Variants in VWDE observed in about 807,000 individuals in gnomAD.
VWDE encodes the protein von Willebrand factor D and EGF domains, also known as von Willebrand factor D and EGF domain-containing protein.
VWDE carries 207 observed loss-of-function variants against 178.4 expected under a neutral mutation model. The ratio of observed to expected loss-of-function variants is 1.16; its 90% confidence interval spans 1.04 to 1.30. The LOEUF is 1.30. Among genes scored for constraint, VWDE ranks in the 50% most tolerant of loss-of-function variants. The pLI is 0.00. For missense variants in VWDE, 2,287 were observed against 1,901.3 expected, an observed-to-expected ratio of 1.20 and a Z score of -3.77; for synonymous variants, 738 against 651.4, an observed-to-expected ratio of 1.13 and a Z score of -2.02.
chr7:12,364,998 A>G (rs1782782811), intron 13 of VWDE, among the ~76,000 whole-genome samples: 1 of 152,106 alleles, frequency 6.6e-6, no homozygotes, highest in Admixed American at 6.6e-5. Flanking sequence ...TAAAAAAGGA[A>G]CATTCCACAA....
chr7:12,344,189 T>C lies in VWDE; in HGVS notation c.4078+6A>G, dbSNP rs1781476434. 1 of 1,549,962 alleles carries C rather than the reference T, an allele frequency of 6.5e-7. No individual in the cohort carries two copies. Among genetic ancestry groups the C allele is most frequent in the Admixed American group, 2.0e-5 (1 of 50,876 alleles). ...CTTATATTTGATTTTTAATTTGAATTATCACCTTCATCACAGGTTGCTCCA... is the reference window on the plus strand; with the variant it reads ...CTTATATTTGATTTTTAATTTGAATCATCACCTTCATCACAGGTTGCTCCA... On this transcript the variant is annotated splice_donor_region_variant and intron_variant, in intron 21 of 28. Transcript: ENST00000275358.
intron 2 of VWDE, among the ~76,000 whole-genome samples, 175 bp downstream of exon 2, chr7:12,393,419 T>C (rs1001316299): frequency 5.3e-5 from 8 of 152,208 alleles, no homozygotes; most frequent in African/African-American, 1.9e-4. Context: ...AGCATAACAC[T>C]AACAATTACT....
chr7:12,386,134 G>C (rs1487595486), intron 3 of VWDE, among the ~76,000 whole-genome samples: 1 of 151,992 alleles, frequency 6.6e-6, no homozygotes, highest in Non-Finnish European at 1.5e-5. Flanking sequence ...GTTTTTCCAT[G>C]AAACACAGAA....
intron 10 of VWDE, among the ~76,000 whole-genome samples, chr7:12,372,708 C>G (rs1031255743): frequency 6.6e-6 from 1 of 151,916 alleles, no homozygotes; most frequent in East Asian, 1.9e-4. Context: ...ATTTATTACA[C>G]GTTGTTAAAA....
Position 12,377,940 on chromosome 7 carries a change from A to G in VWDE, c.880-20T>C, listed in dbSNP as rs1037135801. On this transcript the variant is annotated intron_variant, in intron 6 of 28. Transcript: ENST00000275358. The stretch of plus-strand genomic sequence containing the variant: ...CTGTAGCTGGTATAAGAAAATACGT[A>G]GAAAAATTATGTTAAAATATAATTT... The G allele has an allele frequency of 7.4e-6, 10 of 1,355,662 alleles. No homozygotes were observed. The East Asian group carries it at 8.7e-5, about 12-fold the overall frequency. The allele number at this position is 1,355,662 out of a possible 1,614,324, so 84.0% of individuals were successfully genotyped here.
chr7:12,374,839 T>C, intron 8 of VWDE, 77 bp from the exon 9 acceptor site: 3 of 1,153,158 alleles, frequency 2.6e-6, no homozygotes, highest in Non-Finnish European at 3.7e-6. Flanking sequence ...CTTAGCAATC[T>C]CAACAAACTT....
chr7:12,333,884 A>G (rs73680915), intron 27 of VWDE, among the ~76,000 whole-genome samples: 2,595 of 152,238 alleles, frequency 0.017, 72 homozygotes, highest in African/African-American at 0.06. Context: ...AGAGGAGCTG[A>G]AGTCATTAAC....
chr7:12,378,211 AC>A (rs1343558082), intron 6 of VWDE, among the ~76,000 whole-genome samples: 1 of 152,184 alleles, frequency 6.6e-6, no homozygotes, highest in Non-Finnish European at 1.5e-5. Context: ...TGTGGTGAGC[AC>A]TGGAAAGCGA....
At position 12,347,418 on chromosome 7, in the gene VWDE, T is replaced by C. The variant is rs562181376; in HGVS notation, c.3887-2949A>G. On this transcript the variant is annotated intron_variant, in intron 19 of 28. Coordinates refer to ENST00000275358, the MANE Select transcript of VWDE (RefSeq NM_001135924.3). Reference sequence around the variant, plus strand: ...ATGATTCAATGTTCCTATGAAGGTATATATCAGAGATATCATAAAAATTAC... The same window carrying C: ...ATGATTCAATGTTCCTATGAAGGTACATATCAGAGATATCATAAAAATTAC... Among the ~76,000 whole-genome samples, 6 of 152,252 alleles carry C rather than the reference T, an allele frequency of 3.9e-5. No individual in the cohort carries two copies. In the South Asian group the frequency reaches 1.2e-3, roughly 32 times the overall value.
rs1367813243 is a variant in VWDE at position 12,375,059 on chromosome 7, A to G, written c.1193T>C (p.Ile398Thr). ...DRVSNIVVQP[I>T]VNEDFLWNNY... ...GTTCCACAGGAAATCCTCATTAACT[A>G]TTGGTTGCACTACAATGTTTGAGAC... Residue 398 changes from isoleucine (I) to threonine (T), a missense_variant, in exon 8 of 29, where the codon ATA becomes ACA. Ile to Thr is a moderately conservative substitution (Grantham distance 89, BLOSUM62 -1). Coordinates refer to ENST00000275358, the MANE Select transcript of VWDE (RefSeq NM_001135924.3). 6 of 1,551,182 alleles carry G rather than the reference A, an allele frequency of 3.9e-6. No individual in the cohort carries two copies. In the Admixed American group the frequency reaches 9.8e-5, roughly 25 times the overall value.
intron 28 of VWDE, among the ~76,000 whole-genome samples, chr7:12,331,982 A>G (rs961325374): frequency 2.6e-5 from 4 of 151,794 alleles, no homozygotes; most frequent in African/African-American, 9.7e-5. Context: ...TTTTTTACCC[A>G]CTATCTCAGG....
At chr7:12,338,963 T>C (rs1015190415) in intron 24 of VWDE, among the ~76,000 whole-genome samples, 1 of 152,174 alleles carries the variant, frequency 6.6e-6, no homozygotes, top group African/African-American at 2.4e-5. Context: ...TCACTTTCAA[T>C]GTGTGTGCCA....
Position 12,370,829 on chromosome 7 carries a change from A to T in VWDE, c.1623T>A (p.Asp541Glu), listed in dbSNP as rs1289936616. The T allele has an allele frequency of 2.6e-6, 4 of 1,548,034 alleles. No individual in the cohort carries two copies. The highest frequency in any genetic ancestry group is 4.0e-5 in the Admixed American group (2 of 50,430). Residue 541 changes from aspartate to glutamate, a missense_variant, in exon 11 of 29, where the codon GAT becomes GAA. By Grantham distance (45) the Asp-to-Glu change is conservative (BLOSUM62 2). Coordinates refer to ENST00000275358, the MANE Select transcript of VWDE (RefSeq NM_001135924.3). ...TTAGACTCATGCCCCATTCACCAAG[A>T]TCAGCACGGATAAATGCCCCAGAAG... Reference protein sequence around the residue: ...WFSSGAFIRADLGEWGMSLTI... With the variant: ...WFSSGAFIRAELGEWGMSLTI...
chr7:12,389,228 T>G lies in VWDE; in HGVS notation c.374A>C (p.Asp125Ala), dbSNP rs1784255273. Reference sequence around the variant, plus strand: ...CACTGGGATTTGAAAGAGACAGCAGTCTTTTGTAGTGCTGAACAAAAACTG... The same window carrying G: ...CACTGGGATTTGAAAGAGACAGCAGGCTTTTGTAGTGCTGAACAAAAACTG... ...TWQFLFSTTK[D>A]CCLFQIPVSV... is the part of the protein sequence containing the mutation. The change falls in exon 3 of 29, where the codon GAC (aspartate) becomes GCC (alanine). Residue 125 changes from aspartate (D) to alanine (A), a missense_variant. By Grantham distance (126) the Asp-to-Ala change is moderately radical. Transcript: ENST00000275358. The G allele has an allele frequency of 6.4e-7, 1 of 1,551,618 alleles. No individual in the cohort carries two copies. The highest frequency in any genetic ancestry group is 8.7e-7 in the Non-Finnish European group (1 of 1,147,006).
At chr7:12,402,511 T>C (rs1463540548) in intron 1 of VWDE, among the ~76,000 whole-genome samples, 6 of 152,162 alleles carry the variant, frequency 3.9e-5, no homozygotes, top group African/African-American at 1.4e-4. Flanking sequence ...AAAGCTATTA[T>C]ATAGAGGCAA....
intron 18 of VWDE, chr7:12,353,969 C>T (rs17182597): frequency 0.022 from 3,353 of 153,398 alleles, 55 homozygotes; most frequent in Non-Finnish European, 0.032. Flanking sequence ...ATGCCTTTCT[C>T]TCTCTTGATC....
At chr7:12,387,813 G>A (rs953214078) in intron 3 of VWDE, among the ~76,000 whole-genome samples, 1 of 152,120 alleles carries the variant, frequency 6.6e-6, no homozygotes, top group Non-Finnish European at 1.5e-5. Flanking sequence ...GTCTAAAAGA[G>A]TGTCTCCCGG....
At chr7:12,367,308 C>G in intron 13 of VWDE, 49 bp downstream of exon 13, 1 of 1,378,686 alleles carries the variant, frequency 7.3e-7, no homozygotes, top group East Asian at 2.8e-5. Flanking sequence ...TAATATTAAT[C>G]TGAGTATCTC....
At chr7:12,397,066 A>G (rs1280738829) in intron 1 of VWDE, among the ~76,000 whole-genome samples, 2 of 152,160 alleles carry the variant, frequency 1.3e-5, no homozygotes, top group African/African-American at 4.8e-5. Context: ...GAAAAAAAAA[A>G]CTATTCTAAA....
Sources: allele counts gnomAD v4.1 joint callset (sites outside exome capture counted in the v4.1 genomes callset), GRCh38; gene constraint gnomAD v4.1.1; transcripts MANE v1.5; gene names NCBI Gene and HGNC (gene_info 2026-07-23, HGNC 2026-07-21).